Variants in DIAPH3 observed in about 807,000 individuals in gnomAD.
DIAPH3 encodes the protein protein diaphanous homolog 3.
A neutral mutation model predicts 144.3 loss-of-function variants in DIAPH3; 117 were observed. That is an observed-to-expected ratio of 0.81 (90% CI 0.70 to 0.95). The LOEUF is 0.95. Ranked by LOEUF, DIAPH3 falls within the 40% of genes least tolerant of loss-of-function variation. The probability of loss-of-function intolerance (pLI) is 0.00; values close to 1 mark genes in which losing one functional copy is unlikely to be tolerated. For missense variants in DIAPH3, 1,421 were observed against 1,412.7 expected (o/e 1.01, Z -0.09); for synonymous variants, 519 against 488.9 (o/e 1.06, Z -0.81).
chr13:59,895,352 T>A (rs2046023833), intron 20 of DIAPH3, among the ~76,000 whole-genome samples: 1 of 146,826 alleles, frequency 6.8e-6, no homozygotes, highest in Non-Finnish European at 1.5e-5. Flanking sequence ...AAAATTGGCA[T>A]CCTTGGAAAA....
chr13:60,105,499 ACTGACATTATCCCC>A (rs1279187885), intron 3 of DIAPH3, among the ~76,000 whole-genome samples: 1 of 152,182 alleles, frequency 6.6e-6, no homozygotes, highest in African/African-American at 2.4e-5. Flanking sequence ...ACAACTAAAC[ACTGACATTATCCCC>A]CTGACAAACA....
chr13:60,135,970 T>A (rs1182531950), intron 1 of DIAPH3, among the ~76,000 whole-genome samples: 1 of 152,202 alleles, frequency 6.6e-6, no homozygotes, highest in African/African-American at 2.4e-5. Flanking sequence ...GATGTCTGAA[T>A]GTTAATACTA....
intron 1 of DIAPH3, among the ~76,000 whole-genome samples, chr13:60,141,477 G>C (rs1048274731): frequency 3.3e-5 from 5 of 152,128 alleles, no homozygotes; most frequent in African/African-American, 1.2e-4. Flanking sequence ...GAAAAGCGGA[G>C]TCTCCACCTG....
intron 5 of DIAPH3, among the ~76,000 whole-genome samples, chr13:60,039,529 C>G (rs1237924262): frequency 6.6e-6 from 1 of 152,078 alleles, no homozygotes; most frequent in South Asian, 2.1e-4. Flanking sequence ...GTCTCAAACT[C>G]CTGGCCTCAA....
intron 17 of DIAPH3, among the ~76,000 whole-genome samples, chr13:59,947,325 C>T (rs1367385215): frequency 1.3e-5 from 2 of 152,160 alleles, no homozygotes; most frequent in East Asian, 3.8e-4. Context: ...AAGGAAATGT[C>T]ATTATCACAA....
intron 7 of DIAPH3, chr13:60,012,978 C>T: frequency 1.1e-5 from 11 of 982,816 alleles, no homozygotes; most frequent in Non-Finnish European, 1.2e-5. Context: ...ATAAATTACT[C>T]TCAATTATTT....
At chr13:59,915,916 G>A (rs2047196947) in intron 19 of DIAPH3, among the ~76,000 whole-genome samples, 1 of 152,080 alleles carries the variant, frequency 6.6e-6, no homozygotes, top group Admixed American at 6.6e-5. Context: ...TTGCTTTTCA[G>A]AAACAATAAC....
chr13:59,877,531 T>C (rs2044709498), intron 21 of DIAPH3, among the ~76,000 whole-genome samples: 1 of 152,196 alleles, frequency 6.6e-6, no homozygotes, highest in African/African-American at 2.4e-5. Flanking sequence ...TGAGGAACTA[T>C]GTTTTTAATT....
chr13:59,936,203 T>C (rs534375408), intron 17 of DIAPH3, among the ~76,000 whole-genome samples: 3 of 152,158 alleles, frequency 2.0e-5, no homozygotes, highest in Middle Eastern at 3.4e-3. Context: ...CTCAAAACAA[T>C]AAAGATTTTT....
intron 18 of DIAPH3, among the ~76,000 whole-genome samples, chr13:59,917,779 A>G (rs538657058): frequency 6.6e-6 from 1 of 150,504 alleles, no homozygotes; most frequent in South Asian, 2.1e-4. Flanking sequence ...AGTCCCAGCT[A>G]CTCGGGAGGC....
rs1177228572 is a variant in DIAPH3, at chr13:59,774,532, T to A, written c.3259+196A>T. Reference sequence around the variant, plus strand: ...GTGCATTGATTTGTTAATGTGCTACTGACATCGGCCAACTGGAATGCATAT... The same window carrying A: ...GTGCATTGATTTGTTAATGTGCTACAGACATCGGCCAACTGGAATGCATAT... On this transcript the variant is annotated intron_variant, in intron 26 of 27. Transcript: ENST00000400324. 5.9e-5 allele frequency among the ~76,000 whole-genome samples: 9 copies of A among 152,248 alleles called. No homozygotes were observed. In the South Asian group the frequency reaches 6.2e-4, roughly 11 times the overall value.
intron 1 of DIAPH3, among the ~76,000 whole-genome samples, chr13:60,160,977 C>G (rs1347418042): frequency 6.6e-6 from 1 of 152,218 alleles, no homozygotes; most frequent in African/African-American, 2.4e-5. Context: ...AATTTGCCAA[C>G]TTTAACAGGA....
intron 14 of DIAPH3, 60 bp downstream of exon 14, chr13:59,980,735 C>A: frequency 6.9e-7 from 1 of 1,441,862 alleles, no homozygotes; most frequent in Non-Finnish European, 9.7e-7. Flanking sequence ...TTCCCTGAGG[C>A]AGAAGCATGC....
At chr13:60,122,337 A>G (rs954337894) in intron 2 of DIAPH3, among the ~76,000 whole-genome samples, 1 of 152,174 alleles carries the variant, frequency 6.6e-6, no homozygotes, top group Non-Finnish European at 1.5e-5. Context: ...ACTACAGCTC[A>G]TGTAAGAGCC....
In DIAPH3 at chr13:59,888,656, GT is replaced by G. The variant is rs1277277814; in HGVS notation, c.2368-9189del. ...CTTTCAAAAAATCATAAGAAAAAAG[GT>G]TTTATTTACTATTTCAGGTACTCTT... is the stretch of plus-strand genomic sequence containing the variant. On this transcript the variant is annotated intron_variant, in intron 20 of 27. Transcript: ENST00000400324. Among the ~76,000 whole-genome samples the G allele has an allele frequency of 1.3e-5, 2 of 151,976 alleles. 1 individual carries two copies. Among genetic ancestry groups the G allele is most frequent in the Admixed American group, 1.3e-4 (2 of 15,234 alleles).
At chr13:60,109,028 T>C (rs1437086310) in intron 3 of DIAPH3, among the ~76,000 whole-genome samples, 3 of 152,132 alleles carry the variant, frequency 2.0e-5, no homozygotes, top group African/African-American at 4.8e-5. Flanking sequence ...ATAAAAGATA[T>C]TCTCCATGAA....
chr13:60,150,606 A>C (rs1951736282), intron 1 of DIAPH3, among the ~76,000 whole-genome samples: 1 of 152,180 alleles, frequency 6.6e-6, no homozygotes, highest in African/African-American at 2.4e-5. Flanking sequence ...AGCTGAACAA[A>C]TGCGGTTATT....
At chr13:60,040,786 C>T (rs1196089500) in intron 5 of DIAPH3, among the ~76,000 whole-genome samples, 1 of 152,080 alleles carries the variant, frequency 6.6e-6, no homozygotes, top group East Asian at 1.9e-4. Context: ...TTTGTTTATT[C>T]AAGCCCCACA....
At chr13:59,869,569 C>T (rs1000776785) in intron 21 of DIAPH3, among the ~76,000 whole-genome samples, 1 of 152,102 alleles carries the variant, frequency 6.6e-6, no homozygotes, top group Non-Finnish European at 1.5e-5. Flanking sequence ...CTCTTTGTTT[C>T]GACTTTTTGT....
Sources: allele counts gnomAD v4.1 joint callset (sites outside exome capture counted in the v4.1 genomes callset), GRCh38; gene constraint gnomAD v4.1.1; transcripts MANE v1.5; gene names NCBI Gene and HGNC (gene_info 2026-07-23, HGNC 2026-07-21).